Variants in TOP3B observed in about 807,000 individuals in gnomAD.
TOP3B encodes the protein DNA topoisomerase 3-beta-1.
TOP3B carries 45 observed loss-of-function variants against 93.9 expected under a neutral mutation model. The ratio of observed to expected loss-of-function variants is 0.48; its 90% CI spans 0.38 to 0.61. TOP3B has a LOEUF of 0.61. TOP3B is among the 20% of genes least tolerant of loss of function. TOP3B has a pLI of 0.00. For missense variants in TOP3B, 750 were observed against 1,156.1 expected (o/e 0.65, Z 5.09); for synonymous variants, 357 against 472.6 (o/e 0.76, Z 3.17).
chr22:21,978,386 C>T (rs1004643379), intron 1 of TOP3B, among the ~76,000 whole-genome samples: 2 of 152,090 alleles, frequency 1.3e-5, no homozygotes, highest in South Asian at 4.1e-4. Context: ...TGAGAAGAGC[C>T]TGATTAACAC....
At chr22:21,974,234 GGCCTTATGACTC>G in intron 3 of TOP3B, 111 bp downstream of exon 3, 1 of 1,247,450 alleles carries the variant, frequency 8.0e-7, no homozygotes, top group South Asian at 1.5e-5. Context: ...ATGATCTGCT[GGCCTTATGACTC>G]ATGGAGTTGG....
intron 11 of TOP3B, 32 bp from the exon 12 acceptor site, chr22:21,962,925 C>T: frequency 6.2e-7 from 1 of 1,603,982 alleles, no homozygotes; most frequent in Non-Finnish European, 8.5e-7. Flanking sequence ...CAGTTGGGAG[C>T]CAGCTGGGGG....
rs200839348 is a variant in TOP3B at position 21,962,436 on chromosome 22, A to T, written c.1518T>A (p.His506Gln). The change falls in exon 13 of 18, where the codon CAT (histidine) becomes CAA (glutamine). Residue 506 changes from histidine (H) to glutamine (Q), a missense_variant. His to Gln is a conservative substitution (Grantham distance 24). Transcript: ENST00000357179. ...EAELITLMEK[H>Q]GIGTDASIPV... ...CTGGGCAGGCGCACCCACCGATGCC[A>T]TGCTTCTCCATGAGCGTGATGAGCT... The T allele has an allele frequency of 3.1e-4, 503 of 1,613,390 alleles. No individual in the cohort carries two copies. The highest frequency in any genetic ancestry group is 3.9e-4 in the Non-Finnish European group (456 of 1,180,014).
Position 21,971,358 on chromosome 22 carries a change from G to A in TOP3B, c.384+519C>T, listed in dbSNP as rs990376668. On this transcript the variant is annotated intron_variant, in intron 5 of 17. Coordinates refer to ENST00000357179, the MANE Select transcript of TOP3B (RefSeq NM_001282112.2). This position sits in a 1 kb window ranked among gnomAD's most constrained non-coding sequence, Gnocchi z 4.6. ...TGGCCACTGTGAGGGCACCATGGCC[G>A]GGGCAAGCATGGGGCATGGGGTGTG... 4.2e-5 allele frequency: 12 copies of A among 285,030 alleles called. No homozygotes were observed. The highest frequency in any genetic ancestry group is 1.8e-4 in the South Asian group (6 of 32,460). The allele number at this position is 285,030 out of a possible 1,614,324, so 17.7% of individuals were successfully genotyped here.
In TOP3B at chr22:21,963,682, T is replaced by G; in HGVS notation, c.1204+241A>C. On this transcript the variant is annotated intron_variant, in intron 11 of 17. Coordinates refer to ENST00000357179, the MANE Select transcript of TOP3B (RefSeq NM_001282112.2). This position sits in a 1 kb window ranked among gnomAD's most constrained non-coding sequence, Gnocchi z 4.8. Reference sequence around the variant, plus strand: ...ACCGCCACTCTCTACCCTGGTTTCATTCATGTCCCCTGTGGCGTCTGCCCC... The same window carrying G: ...ACCGCCACTCTCTACCCTGGTTTCAGTCATGTCCCCTGTGGCGTCTGCCCC... 1.9e-6 allele frequency: 1 copy of G among 533,322 alleles called. No homozygotes were observed. The highest frequency in any genetic ancestry group is 3.3e-6 in the Non-Finnish European group (1 of 298,912). The allele number at this position is 533,322 out of a possible 1,614,324, so 33.0% of individuals were successfully genotyped here.
At chr22:21,972,420 A>T (rs1368738610) in intron 4 of TOP3B, 192 bp downstream of exon 4, 1 of 546,918 alleles carries the variant, frequency 1.8e-6, no homozygotes, top group East Asian at 3.1e-5. Context: ...GAGGGTTGGC[A>T]ATGGCAACTG....
At position 21,959,932 on chromosome 22, in the gene TOP3B, C is replaced by T. The variant is rs759616282; in HGVS notation, c.1655-196G>A. 33 of 740,878 alleles carry T rather than the reference C, an allele frequency of 4.5e-5. 1 individual carries two copies. The highest frequency in any genetic ancestry group is 6.8e-5 in the Non-Finnish European group (32 of 468,596). 45.9% of individuals were successfully genotyped at this position (740,878 alleles called of 1,614,324 possible). A position where few individuals can be genotyped will look rare whatever the true frequency, so the allele number is the denominator to read the frequency against. On this transcript the variant is annotated intron_variant, in intron 14 of 17. Transcript: ENST00000357179. ...TGACCCCAGACCTTTCCTGATTTCC[C>T]ACCTGGAAATGTCAGGCAGAGTGGC...
In TOP3B at chr22:21,964,169, C is replaced by T. The variant is rs1392327717; in HGVS notation, c.1090G>A (p.Ala364Thr). 1.9e-6 allele frequency: 3 copies of T among 1,613,944 alleles called. No homozygotes were observed. The highest frequency in any genetic ancestry group is 2.2e-5 in the South Asian group (2 of 91,086). Residue 364 changes from alanine (A) to threonine (T), a missense_variant, in exon 10 of 18, where the codon GCC becomes ACC. Ala to Thr is a moderately conservative substitution (Grantham distance 58, BLOSUM62 0). Coordinates refer to ENST00000357179, the MANE Select transcript of TOP3B (RefSeq NM_001282112.2). ...GGCCCGGCTCCACTCACCGTGTCGG[C>T]CCAGTAGGGGTGGTTGGCCTGCTGC... ...LRQQANHPYW[A>T]DTVKRLLAEG...
rs750552767 is a variant in TOP3B, at chr22:21,968,712, C to T, written c.645G>A (p.Gly215=). 44 of 1,614,036 alleles carry T rather than the reference C, an allele frequency of 2.7e-5. No individual in the cohort carries two copies. Among genetic ancestry groups the T allele is most frequent in the Non-Finnish European group, 3.6e-5 (42 of 1,180,032 alleles). Residue 215 remains glycine, a synonymous_variant, in exon 7 of 18, where the codon GGG becomes GGA. Transcript: ENST00000357179. ...GDLDSSLISF[G]PCQTPTLGFC... ...ATCCCAGGGTTGGAGTCTGACACGG[C>T]CCAAAGGAGATGAGAGAGCTGTCTA...
chr22:21,974,706 C>G, intron 2 of TOP3B: 1 of 431,886 alleles, frequency 2.3e-6, no homozygotes, highest in South Asian at 3.7e-5. Context: ...ACAGAGCACT[C>G]TCGATGCAGA....
intron 9 of TOP3B, 123 bp downstream of exon 9, chr22:21,965,162 C>A: frequency 1.8e-6 from 1 of 570,678 alleles, no homozygotes; most frequent in Non-Finnish European, 2.9e-6. Flanking sequence ...AAGTGAAATC[C>A]TCCTGAGGCT....
At position 21,962,457 on chromosome 22, in the gene TOP3B, G is replaced by A. The variant is rs1310359325; in HGVS notation, c.1497C>T (p.Leu499=). The change falls in exon 13 of 18, where the codon CTC becomes CTT. Residue 499 remains leucine, a synonymous_variant. Transcript: ENST00000357179. The stretch of plus-strand genomic sequence containing the variant: ...TGCCATGCTTCTCCATGAGCGTGAT[G>A]AGCTCGGCCTCCGTCAGGTAGTCGG... The part of the protein sequence containing the change: ...NPPDYLTEAE[L]ITLMEKHGIG... The A allele has an allele frequency of 1.2e-6, 2 of 1,613,614 alleles. No individual in the cohort carries two copies. Among genetic ancestry groups the A allele is most frequent in the South Asian group, 1.1e-5 (1 of 91,090 alleles).
intron 13 of TOP3B, 75 bp from the exon 14 acceptor site, chr22:21,960,524 T>C (rs1162843319): frequency 5.3e-5 from 85 of 1,589,110 alleles, no homozygotes; most frequent in Admixed American, 1.2e-4. Context: ...GTATCACCTG[T>C]CACGGGGCCC....
chr22:21,959,872 G>C, intron 14 of TOP3B, 136 bp from the exon 15 acceptor site: 1 of 1,196,244 alleles, frequency 8.4e-7, no homozygotes, highest in Non-Finnish European at 1.1e-6. Flanking sequence ...CTACCCACCA[G>C]TCCACAGCCT....
chr22:21,959,524 G>A (rs1261615514), intron 15 of TOP3B, 63 bp downstream of exon 15: 5 of 1,545,794 alleles, frequency 3.2e-6, no homozygotes, highest in Non-Finnish European at 1.7e-6. Flanking sequence ...GGGTCCCCAG[G>A]TACTGGCCTT....
At chr22:21,975,367 A>T in intron 2 of TOP3B, 1 of 348,924 alleles carries the variant, frequency 2.9e-6, no homozygotes, top group African/African-American at 2.1e-5. Context: ...TACTACCTGT[A>T]CCTAATAGCC....
At position 21,971,082 on chromosome 22, in the gene TOP3B, G is replaced by A. The variant is rs2145864256; in HGVS notation, c.385-676C>T. 1 of 1,300,964 alleles carries A rather than the reference G, an allele frequency of 7.7e-7. No individual in the cohort carries two copies. Among genetic ancestry groups the A allele is most frequent in the African/African-American group, 1.5e-5 (1 of 65,876 alleles). 80.6% of individuals were successfully genotyped at this position (1,300,964 alleles called of 1,614,324 possible). A position where few individuals can be genotyped will look rare whatever the true frequency, so the allele number is the denominator to read the frequency against. ...CATTTCTGAAGGGAGAAAGCCCCAT[G>A]AGCTGCCCCCATTCTCCATTCCCAG... On this transcript the variant is annotated intron_variant, in intron 5 of 17. Transcript: ENST00000357179. The surrounding 1 kb of genome is among the most constrained non-coding windows in gnomAD (Gnocchi z 4.6).
chr22:21,963,696 G>A lies in TOP3B; in HGVS notation c.1204+227C>T. 1 of 562,704 alleles carries A rather than the reference G, an allele frequency of 1.8e-6. No individual in the cohort carries two copies. The highest frequency in any genetic ancestry group is 3.2e-6 in the Non-Finnish European group (1 of 316,672). The allele number at this position is 562,704 out of a possible 1,614,324, so 34.9% of individuals were successfully genotyped here. Reference sequence around the variant, plus strand: ...CCCTGGTTTCATTCATGTCCCCTGTGGCGTCTGCCCCCTTGCCTCCCTGCA... The same window carrying A: ...CCCTGGTTTCATTCATGTCCCCTGTAGCGTCTGCCCCCTTGCCTCCCTGCA... On this transcript the variant is annotated intron_variant, in intron 11 of 17. Coordinates refer to ENST00000357179, the MANE Select transcript of TOP3B (RefSeq NM_001282112.2). This position sits in a 1 kb window ranked among gnomAD's most constrained non-coding sequence, Gnocchi z 4.8.
chr22:21,963,654 C>T lies in TOP3B; in HGVS notation c.1204+269G>A, dbSNP rs572429586. 3 of 480,474 alleles carry T rather than the reference C, an allele frequency of 6.2e-6. No individual in the cohort carries two copies. The highest frequency in any genetic ancestry group is 2.0e-5 in the African/African-American group (1 of 50,710). 29.8% of individuals were successfully genotyped at this position (480,474 alleles called of 1,614,324 possible). On this transcript the variant is annotated intron_variant, in intron 11 of 17. Transcript: ENST00000357179. This position sits in a 1 kb window ranked among gnomAD's most constrained non-coding sequence, Gnocchi z 4.8. ...GTAGGAGGTGTGCTGCCCCCTCCCC[C>T]ACACCGCCACTCTCTACCCTGGTTT...
Sources: allele counts gnomAD v4.1 joint callset (sites outside exome capture counted in the v4.1 genomes callset), GRCh38; gene constraint gnomAD v4.1.1; non-coding constraint Gnocchi (gnomAD v3.1); transcripts MANE v1.5; gene names NCBI Gene and HGNC (gene_info 2026-07-23, HGNC 2026-07-21).